Variants in ENTPD7 observed in about 807,000 individuals in gnomAD.
ENTPD7 encodes the protein NTPDase 7.
Under a neutral mutation model 77.9 loss-of-function variants are expected in ENTPD7, and 53 were observed. That is an observed-to-expected ratio of 0.68 (90% CI 0.55 to 0.85). The LOEUF (loss-of-function observed/expected upper bound fraction) is 0.85. Among genes scored for constraint, ENTPD7 ranks in the 40% least tolerant of loss-of-function variants. The pLI is 0.00. For missense variants in ENTPD7, 636 were observed against 743.7 expected, an observed-to-expected ratio of 0.86 and a Z score of 1.68; for synonymous variants, 248 against 274.9, an observed-to-expected ratio of 0.90 and a Z score of 0.97.
chr10:99,704,534 G>T lies in ENTPD7; in HGVS notation c.1666G>T (p.Ala556Ser), dbSNP rs779307564. Reference sequence around the variant, plus strand: ...TGTATACAACCACTATCTCTTCTTTGCCTGTATCCTGGTGGTGCTACTGGC... The same window carrying T: ...TGTATACAACCACTATCTCTTCTTTTCCTGTATCCTGGTGGTGCTACTGGC... ...SFVYNHYLFF[A>S]CILVVLLAIF... The change falls in exon 13 of 13, where the codon GCC becomes TCC. Residue 556 changes from alanine (A) to serine (S), a missense_variant. Ala to Ser is a moderately conservative substitution (Grantham distance 99). This residue lies in a region of ENTPD7 where 138 missense variants were observed against 150.9 expected (regional missense o/e 0.91). Transcript: ENST00000370489. 1.2e-6 allele frequency: 2 copies of T among 1,614,136 alleles called. No individual in the cohort carries two copies. Among genetic ancestry groups the T allele is most frequent in the South Asian group, 2.2e-5 (2 of 91,082 alleles).
intron 8 of ENTPD7, among the ~76,000 whole-genome samples, chr10:99,693,452 T>C (rs1435214277): frequency 6.6e-6 from 1 of 152,200 alleles, no homozygotes; most frequent in African/African-American, 2.4e-5. Context: ...TTAGTATGTA[T>C]TTAACAGGTA....
At position 99,708,977 on chromosome 10, in the gene ENTPD7, CA is replaced by C. The variant is rs2036305400; in HGVS notation, c.*4295del. 2.0e-6 allele frequency: 2 copies of C among 985,308 alleles called. No individual in the cohort carries two copies. Among genetic ancestry groups the C allele is most frequent in the Non-Finnish European group, 1.2e-6 (1 of 829,924 alleles). The allele number at this position is 985,308 out of a possible 1,614,324, so 61.0% of individuals were successfully genotyped here. ...CATTCATTTATGACTGCTTTGCTCA[CA>C]TTTAGGAATAAACTTTGAAAAAAAT... On this transcript the variant is annotated 3_prime_UTR_variant, in exon 13 of 13. Coordinates refer to ENST00000370489, the MANE Select transcript of ENTPD7 (RefSeq NM_020354.5).
At chr10:99,703,531 A>G (rs2036185123) in intron 12 of ENTPD7, among the ~76,000 whole-genome samples, 1 of 152,244 alleles carries the variant, frequency 6.6e-6, no homozygotes, top group Admixed American at 6.5e-5. Context: ...CTAGAAGAAC[A>G]CTGCAGGTCA....
intron 2 of ENTPD7, among the ~76,000 whole-genome samples, chr10:99,660,642 C>T (rs1333608848): frequency 6.6e-6 from 1 of 152,020 alleles, no homozygotes; most frequent in Non-Finnish European, 1.5e-5. Context: ...TACACAGCAA[C>T]GGCCAGGTGC....
intron 9 of ENTPD7, 41 bp from the exon 10 acceptor site, chr10:99,698,493 T>A: frequency 6.6e-7 from 1 of 1,515,234 alleles, no homozygotes; most frequent in Admixed American, 1.8e-5. Context: ...AATACAGGCA[T>A]GACGTGTTTG....
chr10:99,700,745 G>A (rs534364060), intron 10 of ENTPD7: 2 of 575,934 alleles, frequency 3.5e-6, no homozygotes, highest in South Asian at 2.1e-5. Context: ...CCCCTCTGAA[G>A]CCTAAGAGGC....
chr10:99,685,539 C>T (rs1590046449), intron 5 of ENTPD7, among the ~76,000 whole-genome samples: 1 of 152,174 alleles, frequency 6.6e-6, no homozygotes, highest in African/African-American at 2.4e-5. Context: ...TCTTTTAACA[C>T]TCTTTGAATA....
At chr10:99,676,931 T>A (rs1246489235) in intron 3 of ENTPD7, among the ~76,000 whole-genome samples, 10 of 152,196 alleles carry the variant, frequency 6.6e-5, no homozygotes, top group Admixed American at 3.9e-4. Context: ...TTCTCTTTTT[T>A]AAAAAAATGC....
chr10:99,659,820 G>A lies in ENTPD7; in HGVS notation c.-95-42G>A, dbSNP rs1414323408. On this transcript the variant is annotated intron_variant, in intron 1 of 12. Coordinates refer to ENST00000370489, the MANE Select transcript of ENTPD7 (RefSeq NM_020354.5). This position sits in a 1 kb window ranked among gnomAD's most constrained non-coding sequence, Gnocchi z 4.1. ...TGGAATTCCCGTGCAGGTTTGTCTC[G>A]TGGGCTCAGTCGGACAGAAGCCTGA... The A allele has an allele frequency of 5.6e-6, 7 of 1,245,416 alleles. No homozygotes were observed. The Admixed American group carries it at 1.3e-4, about 22-fold the overall frequency. The allele number at this position is 1,245,416 out of a possible 1,614,324, so 77.1% of individuals were successfully genotyped here.
chr10:99,692,671 G>A (rs186094182), intron 8 of ENTPD7, among the ~76,000 whole-genome samples: 6 of 152,252 alleles, frequency 3.9e-5, no homozygotes, highest in Non-Finnish European at 8.8e-5. Context: ...AGGATTTTCA[G>A]GTGTGCTAGT....
intron 7 of ENTPD7, 61 bp downstream of exon 7, chr10:99,688,811 T>C: frequency 2.0e-6 from 3 of 1,501,530 alleles, no homozygotes; most frequent in Non-Finnish European, 2.7e-6. Flanking sequence ...AGTTATAACC[T>C]ATCAGTAGCA....
rs74152707 is a variant in ENTPD7, at chr10:99,666,837, G to A, written c.191+5209G>A. Among the ~76,000 whole-genome samples, 205 of 152,320 alleles carry A rather than the reference G, an allele frequency of 1.3e-3. 1 individual carries two copies. The highest frequency in any genetic ancestry group is 4.8e-3 in the African/African-American group (201 of 41,562). ...AATACTGTACTGAAAGTGAAAAACA[G>A]AATGGTTGTGTGGATACTCACGGTA... On this transcript the variant is annotated intron_variant, in intron 3 of 12. Coordinates refer to ENST00000370489, the MANE Select transcript of ENTPD7 (RefSeq NM_020354.5).
At chr10:99,697,754 T>C in intron 9 of ENTPD7, 1 of 163,162 alleles carries the variant, frequency 6.1e-6, no homozygotes, top group Non-Finnish European at 1.4e-5. Context: ...GGGCGCATCC[T>C]CATTCTAAGA....
At chr10:99,673,745 A>C (rs2035645836) in intron 3 of ENTPD7, among the ~76,000 whole-genome samples, 1 of 152,224 alleles carries the variant, frequency 6.6e-6, no homozygotes, top group Non-Finnish European at 1.5e-5. Flanking sequence ...AAGCAATTAA[A>C]ACTTTCTAAG....
In ENTPD7 at chr10:99,708,148, CA is replaced by C. The variant is rs2036288663; in HGVS notation, c.*3468del. ...TTCTATTTATTCTCCAAATGTCTTCCAAAGTATCCTGCCCCACCCCCTCCTC... is the reference window on the plus strand; with the variant it reads ...TTCTATTTATTCTCCAAATGTCTTCCAAGTATCCTGCCCCACCCCCTCCTC... On this transcript the variant is annotated 3_prime_UTR_variant, in exon 13 of 13. Transcript: ENST00000370489. Among the ~76,000 whole-genome samples the C allele has an allele frequency of 6.6e-6, 1 of 152,098 alleles. No individual in the cohort carries two copies. The highest frequency in any genetic ancestry group is 6.6e-5 in the Admixed American group (1 of 15,262).
At chr10:99,702,844 A>C (rs1056735748) in intron 12 of ENTPD7, among the ~76,000 whole-genome samples, 171 bp downstream of exon 12, 1 of 152,080 alleles carries the variant, frequency 6.6e-6, no homozygotes, top group Admixed American at 6.5e-5. Flanking sequence ...AGCCACTGTT[A>C]CTACCAGGCA....
chr10:99,685,990 T>A, intron 6 of ENTPD7, 95 bp downstream of exon 6: 1 of 755,086 alleles, frequency 1.3e-6, no homozygotes, highest in Non-Finnish European at 2.1e-6. Flanking sequence ...TATATCGGAT[T>A]TTAATTTTTC....
In ENTPD7 at chr10:99,709,112, C is replaced by T. The variant is rs1462905194; in HGVS notation, c.*4429C>T. ...TTTTTAAAACAATTTTATACAATTT[C>T]CTTTACTACAACATCCAAGCAATTC... On this transcript the variant is annotated 3_prime_UTR_variant, in exon 13 of 13. Transcript: ENST00000370489. 1.0e-6 allele frequency: 1 copy of T among 982,156 alleles called. No individual in the cohort carries two copies. Among genetic ancestry groups the T allele is most frequent in the Non-Finnish European group, 1.2e-6 (1 of 827,148 alleles). 60.8% of individuals were successfully genotyped at this position (982,156 alleles called of 1,614,324 possible). A position where few individuals can be genotyped will look rare whatever the true frequency, so the allele number is the denominator to read the frequency against.
rs532870614 is a variant in ENTPD7, at chr10:99,707,277, T to C, written c.*2594T>C. 1.3e-5 allele frequency among the ~76,000 whole-genome samples: 2 copies of C among 152,264 alleles called. No individual in the cohort carries two copies. The highest frequency in any genetic ancestry group is 4.1e-4 in the South Asian group (2 of 4,832). On this transcript the variant is annotated 3_prime_UTR_variant, in exon 13 of 13. Transcript: ENST00000370489. Reference sequence around the variant, plus strand: ...GGAGTTCCACAGTACTGAAGGAAAATTTTGTCATATCCCTCAGAAGAACTG... The same window carrying C: ...GGAGTTCCACAGTACTGAAGGAAAACTTTGTCATATCCCTCAGAAGAACTG...
Sources: allele counts gnomAD v4.1 joint callset (sites outside exome capture counted in the v4.1 genomes callset), GRCh38; gene constraint gnomAD v4.1.1; regional missense constraint gnomAD v4.1.1; non-coding constraint Gnocchi (gnomAD v3.1); transcripts MANE v1.5; gene names NCBI Gene and HGNC (gene_info 2026-07-23, HGNC 2026-07-21).